Variants in ZDHHC14 observed in about 807,000 individuals in gnomAD.
ZDHHC14 encodes the protein palmitoyltransferase ZDHHC14.
Under a neutral mutation model 47.7 loss-of-function variants are expected in ZDHHC14, and 16 were observed. The observed-to-expected ratio is 0.34, with a 90% CI of 0.23 to 0.51. The LOEUF (loss-of-function observed/expected upper bound fraction) is 0.51. Among genes scored for constraint, ZDHHC14 ranks in the 20% least tolerant of loss-of-function variants. ZDHHC14 has a pLI of 0.97. For missense variants in ZDHHC14, 515 were observed against 662.5 expected, an observed-to-expected ratio of 0.78 and a Z score of 2.44; for synonymous variants, 293 against 278.9, an observed-to-expected ratio of 1.05 and a Z score of -0.50.
chr6:157,571,038 C>T (rs1032995213), intron 2 of ZDHHC14, among the ~76,000 whole-genome samples: 2 of 152,176 alleles, frequency 1.3e-5, no homozygotes, highest in Non-Finnish European at 2.9e-5. Flanking sequence ...GAATCATACT[C>T]TTTACTGGGG....
At chr6:157,652,453 C>T (rs1334968006) in intron 7 of ZDHHC14, among the ~76,000 whole-genome samples, 1 of 152,174 alleles carries the variant, frequency 6.6e-6, no homozygotes, top group Non-Finnish European at 1.5e-5. Flanking sequence ...ACTGTGGGGG[C>T]TGCTCCAGGG....
At chr6:157,587,793 C>CTATA (rs1373962805) in intron 2 of ZDHHC14, among the ~76,000 whole-genome samples, 1 of 152,176 alleles carries the variant, frequency 6.6e-6, no homozygotes, top group Non-Finnish European at 1.5e-5. Context: ...GGCTAAAGGG[C>CTATA]TATAGCAGCT....
At chr6:157,529,330 G>A (rs1334306219) in intron 1 of ZDHHC14, 1 of 153,162 alleles carries the variant, frequency 6.5e-6, no homozygotes, top group Non-Finnish European at 1.5e-5. Context: ...CATTGTACTG[G>A]TCAGAATCCT....
chr6:157,529,927 A>C (rs1381138804), intron 1 of ZDHHC14, among the ~76,000 whole-genome samples: 1 of 152,236 alleles, frequency 6.6e-6, no homozygotes, highest in African/African-American at 2.4e-5. Context: ...TATAAGTCTT[A>C]TCAGTCAAAT....
chr6:157,432,983 G>C (rs1310072047), intron 1 of ZDHHC14, among the ~76,000 whole-genome samples: 2 of 152,268 alleles, frequency 1.3e-5, no homozygotes, highest in Admixed American at 1.3e-4. Flanking sequence ...GTTTCCTTCT[G>C]CGCTGAAATC....
chr6:157,583,872 C>G (rs1783598565), intron 2 of ZDHHC14, among the ~76,000 whole-genome samples: 1 of 151,740 alleles, frequency 6.6e-6, no homozygotes, highest in Non-Finnish European at 1.5e-5. Context: ...TGGGGCTCCA[C>G]CCACCAAGAG....
intron 1 of ZDHHC14, among the ~76,000 whole-genome samples, chr6:157,473,477 G>A (rs773352261): frequency 8.5e-5 from 13 of 152,156 alleles, no homozygotes; most frequent in Non-Finnish European, 1.8e-4. Context: ...CTGTGTCGTT[G>A]CAAATAATGG....
chr6:157,666,104 T>C (rs1562538075), intron 8 of ZDHHC14, among the ~76,000 whole-genome samples: 1 of 152,246 alleles, frequency 6.6e-6, no homozygotes, highest in Non-Finnish European at 1.5e-5. Context: ...ATCCACTTTT[T>C]AGTGTACACA....
chr6:157,662,274 C>T (rs545404963), intron 8 of ZDHHC14, among the ~76,000 whole-genome samples: 3 of 152,046 alleles, frequency 2.0e-5, no homozygotes, highest in South Asian at 2.1e-4. Context: ...CTTGACCTCC[C>T]GGGTTCAAGC....
chr6:157,662,106 CAG>C (rs1486706260), intron 8 of ZDHHC14, among the ~76,000 whole-genome samples: 1 of 152,106 alleles, frequency 6.6e-6, no homozygotes, highest in Non-Finnish European at 1.5e-5. Context: ...TTAATAAAGA[CAG>C]AGAATTATAT....
chr6:157,591,036 A>C (rs1018907377), intron 2 of ZDHHC14, among the ~76,000 whole-genome samples: 1 of 152,220 alleles, frequency 6.6e-6, no homozygotes, highest in Non-Finnish European at 1.5e-5. Flanking sequence ...GTTTTGGCCA[A>C]TGTCTCCCAT....
At chr6:157,383,542 T>G (rs187736174) in intron 1 of ZDHHC14, among the ~76,000 whole-genome samples, 1 of 152,362 alleles carries the variant, frequency 6.6e-6, no homozygotes, top group Admixed American at 6.5e-5. Flanking sequence ...TACTTGTCGC[T>G]CAAAGCCCTC....
rs1167277852 is a variant in ZDHHC14 at position 157,647,381 on chromosome 6, A to G, written c.965+13A>G. ...CCATCTCACCAAGGTAAGACTCAGG[A>G]CGCATCGTGCTCTTCAACAGACCTT... On this transcript the variant is annotated intron_variant, in intron 7 of 8. Coordinates refer to ENST00000359775, the MANE Select transcript of ZDHHC14 (RefSeq NM_024630.3). 6.2e-7 allele frequency: 1 copy of G among 1,601,344 alleles called. No individual in the cohort carries two copies.
At chr6:157,620,151 C>A (rs558791001) in intron 3 of ZDHHC14, among the ~76,000 whole-genome samples, 4 of 152,272 alleles carry the variant, frequency 2.6e-5, no homozygotes, top group Admixed American at 2.0e-4. Context: ...GGATTTATTT[C>A]TTAGGGTTCT....
chr6:157,558,805 C>A (rs1455754893), intron 2 of ZDHHC14, among the ~76,000 whole-genome samples: 6 of 150,560 alleles, frequency 4.0e-5, no homozygotes, highest in Non-Finnish European at 8.9e-5. Flanking sequence ...AGCAAACAAA[C>A]AATAAAACAA....
chr6:157,659,341 C>T (rs1028315931), intron 8 of ZDHHC14, among the ~76,000 whole-genome samples: 37 of 152,214 alleles, frequency 2.4e-4, no homozygotes, highest in African/African-American at 7.7e-4. Context: ...TCTAGCAGAG[C>T]GAGTTCCAGC....
chr6:157,474,938 C>T (rs1280363963), intron 1 of ZDHHC14, among the ~76,000 whole-genome samples: 1 of 152,132 alleles, frequency 6.6e-6, no homozygotes, highest in African/African-American at 2.4e-5. Flanking sequence ...GCTTCTGTCT[C>T]CTGTGCTTTT....
intron 1 of ZDHHC14, among the ~76,000 whole-genome samples, chr6:157,536,250 G>A (rs1273393002): frequency 1.3e-5 from 2 of 152,146 alleles, no homozygotes; most frequent in Non-Finnish European, 2.9e-5. Flanking sequence ...TGTATGCCTC[G>A]TGGTTATGTC....
intron 1 of ZDHHC14, among the ~76,000 whole-genome samples, chr6:157,515,457 C>CTTTTTTTTTTTTTTTT (rs1187323622): frequency 1.4e-4 from 18 of 129,460 alleles, no homozygotes; most frequent in Non-Finnish European, 2.5e-4. Flanking sequence ...TTTTCTTTTT[C>CTTTTTTTTTTTTTTTT]TTTTTTTTTT....
Sources: allele counts gnomAD v4.1 joint callset (sites outside exome capture counted in the v4.1 genomes callset), GRCh38; gene constraint gnomAD v4.1.1; transcripts MANE v1.5; gene names NCBI Gene and HGNC (gene_info 2026-07-23, HGNC 2026-07-21).